Variants in TRIM2 observed in about 807,000 individuals in gnomAD.
TRIM2 encodes the protein tripartite motif containing 2, also known as tripartite motif-containing protein 2.
Under a neutral mutation model 75.2 loss-of-function variants are expected in TRIM2, and 20 were observed. The observed-to-expected ratio is 0.27, with a 90% confidence interval of 0.19 to 0.39. TRIM2 has a LOEUF of 0.39. Among genes scored for constraint, TRIM2 ranks in the 10% least tolerant of loss-of-function variants. The probability of loss-of-function intolerance (pLI) is 1.00; values close to 1 mark genes in which losing one functional copy is unlikely to be tolerated. For synonymous variants in TRIM2, 373 were observed against 388.3 expected, an observed-to-expected ratio of 0.96 and a Z score of 0.46; for missense variants, 660 against 990.8, an observed-to-expected ratio of 0.67 and a Z score of 4.48.
chr4:153,203,921 A>T (rs1734744381), upstream of TRIM2, among the ~76,000 whole-genome samples: 2 of 152,062 alleles, frequency 1.3e-5, no homozygotes, highest in Admixed American at 1.3e-4. Context: ...AAATAAATAA[A>T]ATAAAGATGT....
At chr4:153,218,997 C>G (rs1288965645) in intron 1 of TRIM2, among the ~76,000 whole-genome samples, 1 of 152,052 alleles carries the variant, frequency 6.6e-6, no homozygotes. Flanking sequence ...TGTCCTGACC[C>G]CCCCCATTCT....
chr4:153,244,355 C>CTTCTCCTTCTTCTTCTTCT lies in TRIM2; in HGVS notation c.31-25979_31-25978insTCTCCTTCTTCTTCTTCTT, dbSNP rs1748079616. ...CTTCTTCTTCTTCTTCTTCTTCTTC[C>CTTCTCCTTCTTCTTCTTCT]TCTTCTTCTTCTTCTTCTTCTTCTT... is the stretch of plus-strand genomic sequence containing the variant. On this transcript the variant is annotated intron_variant, in intron 1 of 11. Coordinates refer to ENST00000338700, the MANE Select transcript of TRIM2 (RefSeq NM_015271.5). Among the ~76,000 whole-genome samples the CTTCTCCTTCTTCTTCTTCT allele has an allele frequency of 1.6e-4, 2 of 12,714 alleles. 1 individual carries two copies. Among genetic ancestry groups the CTTCTCCTTCTTCTTCTTCT allele is most frequent in the Non-Finnish European group, 2.6e-4 (2 of 7,632 alleles). 8.3% of individuals were successfully genotyped at this position (12,714 alleles called of 152,430 possible).
intron 2 of TRIM2, 125 bp downstream of exon 2, chr4:153,270,644 A>T (rs528004268): frequency 1.2e-6 from 1 of 825,596 alleles, no homozygotes; most frequent in Non-Finnish European, 1.8e-6. Flanking sequence ...TGCTTCTGCC[A>T]GACATTGAAA....
intron 6 of TRIM2, chr4:153,310,026 T>C (rs1765907597): frequency 6.6e-6 from 1 of 152,170 alleles, no homozygotes; most frequent in African/African-American, 2.4e-5. Flanking sequence ...GTAATCTTCC[T>C]GGAGGGGTAG....
chr4:153,186,890 C>G (rs1437685962), intron 1 of TRIM2, among the ~76,000 whole-genome samples: 3 of 152,022 alleles, frequency 2.0e-5, no homozygotes, highest in Admixed American at 1.3e-4. Context: ...TCAGAATTGC[C>G]ATGCTATTAC....
chr4:153,188,168 T>C (rs1448405172), intron 1 of TRIM2, among the ~76,000 whole-genome samples: 2 of 152,206 alleles, frequency 1.3e-5, no homozygotes, highest in African/African-American at 4.8e-5. Flanking sequence ...AGAATACTTG[T>C]AAGAGCGAGG....
intron 3 of TRIM2, among the ~76,000 whole-genome samples, chr4:153,278,571 A>G (rs1142082): frequency 1.3e-5 from 2 of 152,132 alleles, no homozygotes; most frequent in South Asian, 4.1e-4. Context: ...GGCTGAGGCA[A>G]GCCAATCGCT....
intron 1 of TRIM2, among the ~76,000 whole-genome samples, chr4:153,221,754 G>A (rs1740087306): frequency 9.4e-6 from 1 of 106,534 alleles, no homozygotes; most frequent in Admixed American, 9.4e-5. Flanking sequence ...AAGGGAGGGA[G>A]GGAGGAAATA....
chr4:153,194,750 C>T (rs1431128373), intron 1 of TRIM2, among the ~76,000 whole-genome samples: 1 of 152,202 alleles, frequency 6.6e-6, no homozygotes, highest in African/African-American at 2.4e-5. Context: ...GTTGGGAACT[C>T]TCATCTTCTC....
intron 1 of TRIM2, among the ~76,000 whole-genome samples, chr4:153,175,031 C>G (rs1731275644): frequency 6.6e-6 from 1 of 150,906 alleles, no homozygotes; most frequent in Admixed American, 6.6e-5. Flanking sequence ...TTTTTTGAGA[C>G]AGAGTTTTGC....
At chr4:153,285,520 A>G (rs1017429709) in intron 3 of TRIM2, among the ~76,000 whole-genome samples, 5 of 152,096 alleles carry the variant, frequency 3.3e-5, no homozygotes, top group Admixed American at 3.3e-4. Flanking sequence ...AAAAATAGAG[A>G]TAGGTCTCAC....
rs1748153429 is a variant in TRIM2 at position 153,244,365 on chromosome 4, TCTTCTTCTTCTTC to T, written c.31-25969_31-25957del. ...TTCTTCTTCTTCTTCCTCTTCTTCT[TCTTCTTCTTCTTC>T]TTCTTCTTCTTCTTCTTCTTCTTCT... is the stretch of plus-strand genomic sequence containing the variant. On this transcript the variant is annotated intron_variant, in intron 1 of 11. Coordinates refer to ENST00000338700, the MANE Select transcript of TRIM2 (RefSeq NM_015271.5). Among the ~76,000 whole-genome samples the T allele has an allele frequency of 4.7e-5, 2 of 42,144 alleles. 1 individual carries two copies. Among genetic ancestry groups the T allele is most frequent in the African/African-American group, 4.2e-4 (2 of 4,766 alleles). The allele number at this position is 42,144 out of a possible 152,430, so 27.6% of individuals were successfully genotyped here.
intron 1 of TRIM2, among the ~76,000 whole-genome samples, chr4:153,206,011 T>C (rs1189647593): frequency 2.6e-5 from 4 of 152,074 alleles, no homozygotes; most frequent in Non-Finnish European, 4.4e-5. Context: ...CTCTCCCAGG[T>C]GGGGTGGAGG....
In TRIM2 at chr4:153,339,304, G is replaced by A; in HGVS notation, c.*4338G>A. The A allele has an allele frequency of 1.9e-6, 1 of 538,968 alleles. No homozygotes were observed. Among genetic ancestry groups the A allele is most frequent in the Non-Finnish European group, 2.4e-6 (1 of 422,146 alleles). The allele number at this position is 538,968 out of a possible 1,614,324, so 33.4% of individuals were successfully genotyped here. A position where few individuals can be genotyped will look rare whatever the true frequency, so the allele number is the denominator to read the frequency against. On this transcript the variant is annotated 3_prime_UTR_variant, in exon 12 of 12. Coordinates refer to ENST00000338700, the MANE Select transcript of TRIM2 (RefSeq NM_015271.5). ...CAAAATCTCAAATCATTATAATAAA[G>A]CTTGTTTTCTCCATTTGCAGAGTGA...
intron 2 of TRIM2, 68 bp from the exon 3 acceptor site, chr4:153,275,825 T>C: frequency 9.3e-6 from 13 of 1,403,676 alleles, no homozygotes; most frequent in Non-Finnish European, 1.3e-5. Flanking sequence ...ACTGAGAACA[T>C]GTATGGTACC....
intron 1 of TRIM2, among the ~76,000 whole-genome samples, chr4:153,227,448 T>C (rs1477952768): frequency 6.6e-6 from 1 of 152,128 alleles, no homozygotes; most frequent in Non-Finnish European, 1.5e-5. Flanking sequence ...ATCGCCAAAA[T>C]AGCCTCTCAG....
At chr4:153,173,903 G>A (rs1181772143) in intron 1 of TRIM2, among the ~76,000 whole-genome samples, 1 of 152,046 alleles carries the variant, frequency 6.6e-6, no homozygotes, top group East Asian at 1.9e-4. Context: ...GGAGGCAGAG[G>A]TTGCAGAGCC....
At chr4:153,312,673 GAA>G (rs778642240) in intron 6 of TRIM2, among the ~76,000 whole-genome samples, 15 of 152,228 alleles carry the variant, frequency 9.9e-5, no homozygotes, top group Non-Finnish European at 1.9e-4. Flanking sequence ...TCTAGAACTA[GAA>G]ATACCATTCG....
At chr4:153,221,415 G>A (rs534892805) in intron 1 of TRIM2, among the ~76,000 whole-genome samples, 3 of 152,224 alleles carry the variant, frequency 2.0e-5, no homozygotes, top group East Asian at 3.9e-4. Flanking sequence ...ACAACAGAAC[G>A]AGACCCTGTC....
Sources: gnomAD v4.1 joint callset for allele counts (sites outside exome capture counted in the v4.1 genomes callset) on GRCh38, gnomAD v4.1.1 for gene constraint, MANE v1.5 for transcripts, NCBI Gene and HGNC (gene_info 2026-07-23, HGNC 2026-07-21) for gene names.